Variants in PPDPFL observed in about 807,000 individuals in gnomAD.
PPDPFL encodes the protein pancreatic progenitor cell differentiation and proliferation factor like.
A neutral mutation model predicts 12.6 loss-of-function variants in PPDPFL; 12 were observed. The observed-to-expected ratio is 0.95, with a 90% CI of 0.61 to 1.54. The LOEUF (loss-of-function observed/expected upper bound fraction) is 1.54, where lower values mean the gene tolerates loss of function less well. PPDPFL is among the 40% of genes most tolerant of loss of function. PPDPFL has a pLI of 0.00. For synonymous variants in PPDPFL, 24 were observed against 32.7 expected, an observed-to-expected ratio of 0.73 and a Z score of 0.91; for missense variants, 114 against 96.0, an observed-to-expected ratio of 1.19 and a Z score of -0.78.
At chr8:49,059,410 T>C (rs936155821) in intron 1 of PPDPFL, among the ~76,000 whole-genome samples, 3 of 152,192 alleles carry the variant, frequency 2.0e-5, no homozygotes, top group Non-Finnish European at 2.9e-5. Context: ...AAAATACTTA[T>C]ACACATTCAC....
chr8:49,074,090 T>G lies in PPDPFL; in HGVS notation c.87T>G (p.Thr29=). ...KSSVSSVSSL[T]SSDSVNFIDD... Reference sequence around the variant, plus strand: ...GTGTTTCTTCAGTTAGTTCTTTAACTAGCTCTGATTCTGTTAACTTCATAG... The same window carrying G: ...GTGTTTCTTCAGTTAGTTCTTTAACGAGCTCTGATTCTGTTAACTTCATAG... The change falls in exon 3 of 5, where the codon ACT becomes ACG. Residue 29 remains threonine (T), a synonymous_variant. Coordinates refer to ENST00000522267, the MANE Select transcript of PPDPFL (RefSeq NM_001256597.2). 6.2e-7 allele frequency: 1 copy of G among 1,613,236 alleles called. No homozygotes were observed. Among genetic ancestry groups the G allele is most frequent in the South Asian group, 1.1e-5 (1 of 91,054 alleles).
chr8:49,065,416 G>A (rs999050327), intron 1 of PPDPFL, among the ~76,000 whole-genome samples: 6 of 152,192 alleles, frequency 3.9e-5, no homozygotes, highest in Non-Finnish European at 8.8e-5. Context: ...TGATCAAAAA[G>A]TGTTTTTATA....
upstream of PPDPFL, among the ~76,000 whole-genome samples, chr8:49,069,459 T>C (rs943767589): frequency 6.6e-6 from 1 of 152,144 alleles, no homozygotes; most frequent in African/African-American, 2.4e-5. Context: ...TTAGAAATCA[T>C]CAATTAAAAG....
chr8:49,074,463 C>A (rs1277184010), intron 4 of PPDPFL, 130 bp downstream of exon 4: 1 of 1,543,386 alleles, frequency 6.5e-7, no homozygotes, highest in Non-Finnish European at 8.7e-7. Context: ...GCCTATGAAG[C>A]GCACCTGAGG....
chr8:49,070,410 C>T (rs1808359132), upstream of PPDPFL, among the ~76,000 whole-genome samples: 1 of 152,156 alleles, frequency 6.6e-6, no homozygotes, highest in Non-Finnish European at 1.5e-5. Flanking sequence ...AAGTCTTACA[C>T]TTTTGGAAAA....
chr8:49,073,961 T>C (rs2129246419), intron 2 of PPDPFL, 98 bp from the exon 3 acceptor site: 1 of 788,436 alleles, frequency 1.3e-6, no homozygotes, highest in East Asian at 2.5e-5. Flanking sequence ...AATAAATGAT[T>C]TCAAACCATG....
intron 1 of PPDPFL, among the ~76,000 whole-genome samples, chr8:49,066,626 G>T (rs974961567): frequency 5.3e-5 from 8 of 152,076 alleles, no homozygotes; most frequent in Non-Finnish European, 1.2e-4. Context: ...GAAGAAGGAG[G>T]GCAATAATTT....
chr8:49,056,415 CTCTT>C (rs1278494194), intron 1 of PPDPFL, among the ~76,000 whole-genome samples: 2 of 152,206 alleles, frequency 1.3e-5, no homozygotes, highest in African/African-American at 4.8e-5. Flanking sequence ...TCCTCCAACA[CTCTT>C]TCTCCTTGGT....
intron 1 of PPDPFL, among the ~76,000 whole-genome samples, chr8:49,063,075 A>T (rs1808238979): frequency 6.6e-6 from 1 of 152,208 alleles, no homozygotes; most frequent in African/African-American, 2.4e-5. Flanking sequence ...CAAAAGAACT[A>T]TGTTGAAATA....
chr8:49,074,380 G>GA (rs1563302183), intron 4 of PPDPFL, 47 bp downstream of exon 4: 3 of 1,593,518 alleles, frequency 1.9e-6, no homozygotes, highest in Non-Finnish European at 1.7e-6. Flanking sequence ...CTTAGTGAAT[G>GA]AAATAATGCA....
Position 49,075,132 on chromosome 8 carries a change from C to G in PPDPFL, c.234-20C>G. On this transcript the variant is annotated intron_variant, in intron 4 of 4. Coordinates refer to ENST00000522267, the MANE Select transcript of PPDPFL (RefSeq NM_001256597.2). ...CATTTATTTATCCCCTCCTCTCTGA[C>G]TACTATAAAATCAACCCAGATTACA... 6 of 1,612,224 alleles carry G rather than the reference C, an allele frequency of 3.7e-6. No individual in the cohort carries two copies. Among genetic ancestry groups the G allele is most frequent in the Non-Finnish European group, 5.1e-6 (6 of 1,179,024 alleles).
intron 1 of PPDPFL, among the ~76,000 whole-genome samples, chr8:49,062,596 C>T (rs1469972709): frequency 6.6e-6 from 1 of 152,058 alleles, no homozygotes; most frequent in East Asian, 1.9e-4. Context: ...GAGTAGGAAA[C>T]CCTACTTACA....
rs1254603938 is a variant in PPDPFL, at chr8:49,074,328, T to C, written c.228T>C (p.Ala76=). The C allele has an allele frequency of 1.2e-6, 2 of 1,613,784 alleles. No homozygotes were observed. The highest frequency in any genetic ancestry group is 1.7e-6 in the Non-Finnish European group (2 of 1,179,654). Residue 76 remains alanine (A), a synonymous_variant, in exon 4 of 5, where the codon GCT becomes GCC. Transcript: ENST00000522267. ...LSNVRIKDLS[A]TGLQMSTL ...ATGTGAGAATAAAAGATCTGTCTGC[T>C]ACTGGGTGAGTTTTAGCCTTCTCTG...
chr8:49,071,826 A>ACTGTCCAT (rs148270747), upstream of PPDPFL, among the ~76,000 whole-genome samples: 7,706 of 152,156 alleles, frequency 0.051, 247 homozygotes, highest in South Asian at 0.085. Flanking sequence ...TTTCTAACTC[A>ACTGTCCAT]CTGTCCATCT....
Position 49,074,080 on chromosome 8 carries a change from G to A in PPDPFL, c.77G>A (p.Ser26Asn). The A allele has an allele frequency of 1.9e-6, 3 of 1,612,692 alleles. No homozygotes were observed. Among genetic ancestry groups the A allele is most frequent in the Non-Finnish European group, 2.5e-6 (3 of 1,178,924 alleles). ...ACAGAGTCCAGTGTTTCTTCAGTTA[G>A]TTCTTTAACTAGCTCTGATTCTGTT... is the stretch of plus-strand genomic sequence containing the variant. ...YYRKSSVSSV[S>N]SLTSSDSVNF... Residue 26 changes from serine to asparagine, a missense_variant, in exon 3 of 5, where the codon AGT becomes AAT. By Grantham distance (46) the Ser-to-Asn change is conservative. Transcript: ENST00000522267.
chr8:49,069,790 T>C (rs937209470), upstream of PPDPFL, among the ~76,000 whole-genome samples: 21 of 151,982 alleles, frequency 1.4e-4, no homozygotes, highest in Non-Finnish European at 1.5e-5. Context: ...CAAAAATTAG[T>C]CGGGCATGGT....
chr8:49,071,429 G>A (rs1189433713), upstream of PPDPFL, among the ~76,000 whole-genome samples: 3 of 152,086 alleles, frequency 2.0e-5, no homozygotes, highest in Non-Finnish European at 4.4e-5. Context: ...AGGCTGAGGC[G>A]GGTGGATCAC....
At chr8:49,061,416 CT>C (rs1025129985) in intron 1 of PPDPFL, among the ~76,000 whole-genome samples, 2 of 152,158 alleles carry the variant, frequency 1.3e-5, no homozygotes, top group African/African-American at 4.8e-5. Context: ...ATAAATGTCT[CT>C]TGTTTAAGTC....
chr8:49,065,419 T>G (rs1031407895), intron 1 of PPDPFL, among the ~76,000 whole-genome samples: 3 of 152,160 alleles, frequency 2.0e-5, no homozygotes, highest in Non-Finnish European at 4.4e-5. Flanking sequence ...TCAAAAAGTG[T>G]TTTTATAGCA....
Sources: allele counts gnomAD v4.1 joint callset (sites outside exome capture counted in the v4.1 genomes callset), GRCh38; gene constraint gnomAD v4.1.1; transcripts MANE v1.5; gene names NCBI Gene and HGNC (gene_info 2026-07-23, HGNC 2026-07-21).